Variants in DNAH17 observed in about 807,000 individuals in gnomAD.
DNAH17 encodes dynein axonemal heavy chain 17, also known as axonemal beta dynein heavy chain 17.
DNAH17 carries 376 observed loss-of-function variants against 485.6 expected under a neutral mutation model. The ratio of observed to expected loss-of-function variants is 0.77; its 90% CI spans 0.71 to 0.84. DNAH17 has a LOEUF of 0.84. Ranked by LOEUF, DNAH17 falls within the 40% of genes least tolerant of loss-of-function variation. The pLI, the probability that DNAH17 is intolerant of heterozygous loss-of-function variation, is 0.00. For synonymous variants in DNAH17, 3,031 were observed against 2,405.9 expected (o/e 1.26, Z -7.60); for missense variants, 6,370 against 5,839.3 (o/e 1.09, Z -2.96).
chr17:78,425,392 G>A lies in DNAH17; in HGVS notation c.13095C>T (p.Thr4365=), dbSNP rs367565516. 70 of 1,613,862 alleles carry A rather than the reference G, an allele frequency of 4.3e-5. No individual in the cohort carries two copies. The highest frequency in any genetic ancestry group is 4.8e-5 in the Non-Finnish European group (57 of 1,179,888). The part of the protein sequence containing the change: ...EVTKKNREDM[T]APPREGSYVY... ...CGTAGGAGCCCTCTCGCGGAGGAGC[G>A]GTCATGTCCTCTCGGTTTTTCTTGG... is the stretch of plus-strand genomic sequence containing the variant. The change falls in exon 80 of 81, where the codon ACC becomes ACT. Residue 4365 remains threonine, a synonymous_variant. Coordinates refer to ENST00000389840, the MANE Select transcript of DNAH17 (RefSeq NM_173628.4).
intron 75 of DNAH17, among the ~76,000 whole-genome samples, chr17:78,433,695 A>G (rs553531287): frequency 1.7e-4 from 26 of 152,094 alleles, no homozygotes; most frequent in African/African-American, 6.3e-4. Flanking sequence ...ATTCTGGGGG[A>G]ATCCTCATCC....
intron 19 of DNAH17, chr17:78,532,995 G>C (rs564787730): frequency 7.8e-5 from 26 of 334,578 alleles, no homozygotes; most frequent in Non-Finnish European, 5.5e-6. Flanking sequence ...GGGCTCAAGC[G>C]ATCCTCCTGC....
chr17:78,505,743 C>G (rs2146737373), intron 30 of DNAH17, among the ~76,000 whole-genome samples: 1 of 152,280 alleles, frequency 6.6e-6, no homozygotes, highest in Non-Finnish European at 1.5e-5. Flanking sequence ...CTTTGGGAGG[C>G]CGAGGCAGGT....
chr17:78,543,227 G>C (rs992441111), intron 17 of DNAH17, among the ~76,000 whole-genome samples: 29 of 152,160 alleles, frequency 1.9e-4, no homozygotes, highest in South Asian at 1.0e-3. Flanking sequence ...CGATTCTCCT[G>C]CCTCAGCCTC....
chr17:78,434,339 G>T, intron 74 of DNAH17, 119 bp from the exon 75 acceptor site: 1 of 924,632 alleles, frequency 1.1e-6, no homozygotes. Flanking sequence ...GGGGCGGTGG[G>T]GGGTACAAAG....
intron 54 of DNAH17, chr17:78,472,626 G>A (rs546312957): frequency 1.4e-5 from 6 of 423,240 alleles, no homozygotes; most frequent in Admixed American, 1.3e-4. Context: ...CCCGGGGGCT[G>A]TGTGTGGGGT....
Position 78,434,122 on chromosome 17 carries a change from G to A in DNAH17, c.12132C>T (p.Gly4044=), listed in dbSNP as rs754057953. The change falls in exon 75 of 81, where the codon GGC becomes GGT. Residue 4044 remains glycine, a synonymous_variant. Transcript: ENST00000389840. ...HAVVAERRKF[G]AQGWNRSYPF... ...GGTACGACCGGTTCCAGCCCTGGGC[G>A]CCGAACTTGCGCCTCTCTGCCACCA... is the stretch of plus-strand genomic sequence containing the variant. The A allele has an allele frequency of 6.8e-6, 11 of 1,613,554 alleles. No individual in the cohort carries two copies. The highest frequency in any genetic ancestry group is 2.2e-5 in the East Asian group (1 of 44,898).
chr17:78,461,577 G>A lies in DNAH17; in HGVS notation c.9306C>T (p.Asp3102=). The stretch of plus-strand genomic sequence containing the variant: ...TGACCTCGACCTTGACTTCTTCCTG[G>A]TCAGCAATGGCCTTCTCTTTGCTGA... ...EKVSKEKAIA[D]QEEVKVEVIN... Residue 3102 remains aspartate (D), a synonymous_variant, in exon 58 of 81, where the codon GAC becomes GAT. Transcript: ENST00000389840. 1.9e-6 allele frequency: 3 copies of A among 1,602,222 alleles called. No individual in the cohort carries two copies. Among genetic ancestry groups the A allele is most frequent in the Middle Eastern group, 1.7e-4 (1 of 6,040 alleles).
chr17:78,517,065 G>A (rs1353591466), intron 25 of DNAH17, among the ~76,000 whole-genome samples: 1 of 152,140 alleles, frequency 6.6e-6, no homozygotes, highest in Non-Finnish European at 1.5e-5. Context: ...TTGAGACAGA[G>A]TCTCACTCAC....
At chr17:78,446,654 A>AT (rs2087317756) in intron 69 of DNAH17, among the ~76,000 whole-genome samples, 1 of 151,722 alleles carries the variant, frequency 6.6e-6, no homozygotes, top group Non-Finnish European at 1.5e-5. Flanking sequence ...ATTATTATTT[A>AT]TTTTTTTGAG....
At chr17:78,458,169 G>A (rs993650655) in intron 62 of DNAH17, among the ~76,000 whole-genome samples, 1 of 152,184 alleles carries the variant, frequency 6.6e-6, no homozygotes, top group African/African-American at 2.4e-5. Flanking sequence ...TCTGGCACCT[G>A]GCATTATATC....
intron 69 of DNAH17, among the ~76,000 whole-genome samples, chr17:78,448,320 G>C (rs116558293): frequency 6.6e-6 from 1 of 151,964 alleles, no homozygotes; most frequent in South Asian, 2.1e-4. Context: ...GCAACAGAGC[G>C]AGACTTTGTC....
intron 75 of DNAH17, among the ~76,000 whole-genome samples, chr17:78,433,500 G>A (rs1401091993): frequency 2.0e-5 from 3 of 152,232 alleles, no homozygotes; most frequent in Admixed American, 6.5e-5. Flanking sequence ...GTGGCAGTCT[G>A]CATGCGCCTT....
chr17:78,565,254 T>A (rs2092243810), intron 11 of DNAH17, among the ~76,000 whole-genome samples: 1 of 152,246 alleles, frequency 6.6e-6, no homozygotes, highest in Non-Finnish European at 1.5e-5. Context: ...GTCAGCCTCA[T>A]CTTGCTTTAG....
At chr17:78,510,565 A>C (rs567727433) in intron 26 of DNAH17, 59 bp from the exon 27 acceptor site, 631 of 1,597,026 alleles carry the variant, frequency 4.0e-4, no homozygotes, top group Non-Finnish European at 5.2e-4. Context: ...TGCAGTGGGC[A>C]GACGTCATGA....
chr17:78,442,120 G>A (rs1056773128), intron 71 of DNAH17, among the ~76,000 whole-genome samples: 14 of 151,936 alleles, frequency 9.2e-5, no homozygotes, highest in Non-Finnish European at 2.1e-4. Flanking sequence ...GTGGCCAGCT[G>A]GTCTCTGAAA....
At chr17:78,432,368 G>A (rs933466539) in intron 75 of DNAH17, among the ~76,000 whole-genome samples, 3 of 130,580 alleles carry the variant, frequency 2.3e-5, no homozygotes, top group Middle Eastern at 3.2e-3. Context: ...ATGTCCGGCC[G>A]GCACCCTGCC....
In DNAH17 at chr17:78,451,681, T is replaced by G; in HGVS notation, c.10530-8A>C. 6.4e-7 allele frequency: 1 copy of G among 1,551,174 alleles called. No individual in the cohort carries two copies. The highest frequency in any genetic ancestry group is 8.7e-7 in the Non-Finnish European group (1 of 1,147,866). Reference sequence around the variant, plus strand: ...TCACCGATCTTAATGTACCTGGCGGTTGGTGGAGGAAAGGGTTAGTGGGCC... The same window carrying G: ...TCACCGATCTTAATGTACCTGGCGGGTGGTGGAGGAAAGGGTTAGTGGGCC... On this transcript the variant is annotated splice_region_variant and splice_polypyrimidine_tract_variant and intron_variant, in intron 65 of 80. Transcript: ENST00000389840.
intron 19 of DNAH17, among the ~76,000 whole-genome samples, chr17:78,536,095 G>A (rs2091366223): frequency 2.0e-5 from 3 of 152,074 alleles, no homozygotes; most frequent in African/African-American, 7.2e-5. Flanking sequence ...AGAAGGCAGT[G>A]GGAGGCACAT....
Sources: allele counts gnomAD v4.1 joint callset (sites outside exome capture counted in the v4.1 genomes callset), GRCh38; gene constraint gnomAD v4.1.1; transcripts MANE v1.5; gene names NCBI Gene and HGNC (gene_info 2026-07-23, HGNC 2026-07-21).